Variants in SLC35F1 observed in about 807,000 individuals in gnomAD.
SLC35F1 encodes solute carrier family 35 member F1, also known as chromosome 6 open reading frame 169.
SLC35F1 carries 14 observed loss-of-function variants against 48.7 expected under a neutral mutation model. The observed-to-expected ratio is 0.29, with a 90% CI of 0.19 to 0.45. SLC35F1 has a LOEUF of 0.45. Among genes scored for constraint, SLC35F1 ranks in the 20% least tolerant of loss-of-function variants. The pLI is 1.00. For missense variants in SLC35F1, 404 were observed against 500.0 expected, an observed-to-expected ratio of 0.81 and a Z score of 1.83; for synonymous variants, 190 against 202.2, an observed-to-expected ratio of 0.94 and a Z score of 0.51.
intron 2 of SLC35F1, among the ~76,000 whole-genome samples, chr6:118,163,424 TCACACACA>T (rs67416879): frequency 0.15 from 22,746 of 150,138 alleles, 1,750 homozygotes; most frequent in South Asian, 0.31. Flanking sequence ...ACACTCACAC[TCACACACA>T]CACACACACA....
At chr6:118,310,965 G>A (rs1776365670) in intron 7 of SLC35F1, among the ~76,000 whole-genome samples, 1 of 152,150 alleles carries the variant, frequency 6.6e-6, no homozygotes. Flanking sequence ...CATAAATGGA[G>A]AGGAATCCAA....
intron 2 of SLC35F1, among the ~76,000 whole-genome samples, chr6:118,204,068 G>T (rs1774903340): frequency 6.6e-6 from 1 of 151,478 alleles, no homozygotes; most frequent in African/African-American, 2.4e-5. Flanking sequence ...CTTTATCTAG[G>T]ATGGTCAGAG....
intron 1 of SLC35F1, among the ~76,000 whole-genome samples, chr6:117,977,455 A>G (rs1231560574): frequency 6.6e-6 from 1 of 152,124 alleles, no homozygotes; most frequent in African/African-American, 2.4e-5. Context: ...AGCTAATTTG[A>G]TACATGAAAA....
intron 1 of SLC35F1, among the ~76,000 whole-genome samples, chr6:117,973,535 A>G (rs921980964): frequency 6.6e-6 from 1 of 151,704 alleles, no homozygotes; most frequent in African/African-American, 2.4e-5. Context: ...CTTGTTTTTA[A>G]ATTTATTATT....
chr6:118,001,360 C>T (rs1214266237), intron 1 of SLC35F1, among the ~76,000 whole-genome samples: 4 of 152,038 alleles, frequency 2.6e-5, no homozygotes, highest in African/African-American at 9.7e-5. Context: ...AAGGATTCCC[C>T]ATTTAATAAA....
intron 1 of SLC35F1, among the ~76,000 whole-genome samples, chr6:118,143,230 T>C (rs1280776909): frequency 1.3e-5 from 2 of 152,210 alleles, no homozygotes; most frequent in Non-Finnish European, 2.9e-5. Flanking sequence ...ATTTATTCAA[T>C]AGATTTTAAA....
At chr6:118,210,633 A>C (rs1450802744) in intron 2 of SLC35F1, among the ~76,000 whole-genome samples, 1 of 152,142 alleles carries the variant, frequency 6.6e-6, no homozygotes, top group African/African-American at 2.4e-5. Context: ...GTGATTATTT[A>C]AGACATCCAC....
chr6:117,930,281 C>G (rs1776083659), intron 1 of SLC35F1, among the ~76,000 whole-genome samples: 1 of 152,158 alleles, frequency 6.6e-6, no homozygotes, highest in Non-Finnish European at 1.5e-5. Context: ...TGCTCCATCT[C>G]TTGGCTCTGT....
intron 1 of SLC35F1, among the ~76,000 whole-genome samples, chr6:117,985,285 C>T (rs1302960926): frequency 6.6e-6 from 1 of 152,118 alleles, no homozygotes; most frequent in Admixed American, 6.5e-5. Context: ...TCAAATTAGC[C>T]CCTTGAATTT....
intron 1 of SLC35F1, among the ~76,000 whole-genome samples, chr6:117,966,648 A>G (rs1776575101): frequency 6.6e-6 from 1 of 152,232 alleles, no homozygotes; most frequent in Admixed American, 6.5e-5. Flanking sequence ...CCAATTCTGG[A>G]CACAGCAGGA....
rs1038898070 is a variant in SLC35F1 at position 118,138,679 on chromosome 6, T to A, written c.174-15766T>A. On this transcript the variant is annotated intron_variant, in intron 1 of 7. Transcript: ENST00000360388. ...AATTCAACAGAATGCATACATCATT[T>A]TACATGGTGCACCTTGATTTATTTT... is the stretch of plus-strand genomic sequence containing the variant. Among the ~76,000 whole-genome samples, 4 of 148,782 alleles carry A rather than the reference T, an allele frequency of 2.7e-5. No individual in the cohort carries two copies. The Admixed American group carries it at 2.7e-4, about 10-fold the overall frequency.
At position 117,923,643 on chromosome 6, in the gene SLC35F1, G is replaced by GTACACA. The variant is rs1562238592; in HGVS notation, c.173+15748_173+15749insCATACA. On this transcript the variant is annotated intron_variant, in intron 1 of 7. Transcript: ENST00000360388. The stretch of plus-strand genomic sequence containing the variant: ...TGTATATATACATATATGTACATAT[G>GTACACA]TACATATGTACATATGTATATATAC... Among the ~76,000 whole-genome samples, 272 of 58,774 alleles carry GTACACA rather than the reference G, an allele frequency of 4.6e-3. 47 individuals carry two copies. The highest frequency in any genetic ancestry group is 0.014 in the Middle Eastern group (1 of 70). 38.6% of individuals were successfully genotyped at this position (58,774 alleles called of 152,430 possible). A position where few individuals can be genotyped will look rare whatever the true frequency, so the allele number is the denominator to read the frequency against.
intron 1 of SLC35F1, among the ~76,000 whole-genome samples, chr6:117,923,605 A>ATG (rs1554216645): frequency 8.6e-5 from 2 of 23,224 alleles, no homozygotes; most frequent in East Asian, 1.7e-3. Flanking sequence ...ATGTGTATAT[A>ATG]TACATATACA....
intron 1 of SLC35F1, among the ~76,000 whole-genome samples, chr6:118,075,065 T>A (rs1772797773): frequency 6.6e-6 from 1 of 152,224 alleles, no homozygotes; most frequent in Non-Finnish European, 1.5e-5. Flanking sequence ...GTGTGTTCAG[T>A]CTAAATGAAG....
Position 118,193,965 on chromosome 6 carries a change from C to T in SLC35F1, c.349+39345C>T, listed in dbSNP as rs1774767736. 1.3e-5 allele frequency among the ~76,000 whole-genome samples: 2 copies of T among 152,170 alleles called. 1 individual carries two copies. Among genetic ancestry groups the T allele is most frequent in the African/African-American group, 4.8e-5 (2 of 41,456 alleles). ...TATTTCTCAAAGATTACAAAAGTCA[C>T]ATGAACTAAAAGCCATTACAGTTTT... On this transcript the variant is annotated intron_variant, in intron 2 of 7. Transcript: ENST00000360388.
chr6:118,286,019 C>T lies in SLC35F1; in HGVS notation c.1002+681C>T, dbSNP rs73516114. Among the ~76,000 whole-genome samples the T allele has an allele frequency of 9.7e-3, 1,477 of 152,270 alleles. 26 individuals are homozygous for T. The highest frequency in any genetic ancestry group is 0.034 in the African/African-American group (1,404 of 41,534). On this transcript the variant is annotated intron_variant, in intron 7 of 7. Coordinates refer to ENST00000360388, the MANE Select transcript of SLC35F1 (RefSeq NM_001029858.4). ...TATGGCACACTGAGGTCAGATCCTA[C>T]TCCTCTTAACACCACACTCACTGCT...
chr6:117,940,694 G>A (rs1776220022), intron 1 of SLC35F1, among the ~76,000 whole-genome samples: 1 of 151,752 alleles, frequency 6.6e-6, no homozygotes, highest in Non-Finnish European at 1.5e-5. Context: ...TGTCACCCAG[G>A]CTGTAGTACA....
intron 3 of SLC35F1, among the ~76,000 whole-genome samples, chr6:118,255,687 T>C (rs963540583): frequency 6.6e-6 from 1 of 152,194 alleles, no homozygotes; most frequent in African/African-American, 2.4e-5. Context: ...CAAGGGGACA[T>C]ATACAATTTA....
rs531175695 is a variant in SLC35F1 at position 118,158,060 on chromosome 6, G to A, written c.349+3440G>A. Among the ~76,000 whole-genome samples the A allele has an allele frequency of 1.4e-4, 21 of 152,256 alleles. No individual in the cohort carries two copies. The South Asian group carries it at 3.9e-3, about 29-fold the overall frequency. On this transcript the variant is annotated intron_variant, in intron 2 of 7. Coordinates refer to ENST00000360388, the MANE Select transcript of SLC35F1 (RefSeq NM_001029858.4). ...AGAAAGGAAAGGCTGAAGAGGGCTA[G>A]GGAAATTCTGACTACCGATACCAGT...
Sources: gnomAD v4.1 joint callset for allele counts (sites outside exome capture counted in the v4.1 genomes callset) on GRCh38, gnomAD v4.1.1 for gene constraint, MANE v1.5 for transcripts, NCBI Gene and HGNC (gene_info 2026-07-23, HGNC 2026-07-21) for gene names.